Variants in ALPK2 observed in about 807,000 individuals in gnomAD.
ALPK2 encodes alpha kinase 2.
In ALPK2, 127 loss-of-function variants were observed where a neutral mutation model predicts 163.1. The ratio of observed to expected loss-of-function variants is 0.78; its 90% CI spans 0.67 to 0.90. The LOEUF (loss-of-function observed/expected upper bound fraction) is 0.90, where lower values mean the gene tolerates loss of function less well. ALPK2 is among the 40% of genes least tolerant of loss of function. ALPK2 has a pLI of 0.00. For synonymous variants in ALPK2, 953 were observed against 959.1 expected, an observed-to-expected ratio of 0.99 and a Z score of 0.12; for missense variants, 2,360 against 2,589.6, an observed-to-expected ratio of 0.91 and a Z score of 1.92.
At chr18:58,534,697 C>A in intron 5 of ALPK2, 137 bp downstream of exon 5, 1 of 1,184,062 alleles carries the variant, frequency 8.4e-7, no homozygotes, top group Non-Finnish European at 1.2e-6. Context: ...GCTGAAGCCA[C>A]TTGGCCACAA....
intron 3 of ALPK2, among the ~76,000 whole-genome samples, chr18:58,585,923 A>T (rs560219619): frequency 8.5e-5 from 13 of 152,162 alleles, no homozygotes; most frequent in African/African-American, 3.1e-4. Context: ...ACCTCAGGTG[A>T]TCTGCCTGCC....
chr18:58,503,152 A>G (rs1389996878), intron 11 of ALPK2, among the ~76,000 whole-genome samples: 1 of 152,266 alleles, frequency 6.6e-6, no homozygotes, highest in Non-Finnish European at 1.5e-5. Context: ...CATAGAAGAA[A>G]TGGTATTCCT....
At chr18:58,523,716 G>A in intron 8 of ALPK2, 90 bp downstream of exon 8, 1 of 1,527,542 alleles carries the variant, frequency 6.5e-7, no homozygotes, top group Non-Finnish European at 9.1e-7. Flanking sequence ...AGAGTCCAGA[G>A]GATTACTGCT....
chr18:58,541,261 C>T (rs1216247792), intron 4 of ALPK2, among the ~76,000 whole-genome samples: 1 of 152,214 alleles, frequency 6.6e-6, no homozygotes, highest in African/African-American at 2.4e-5. Context: ...CACATCTTGC[C>T]CGACAGGAGC....
intron 12 of ALPK2, among the ~76,000 whole-genome samples, chr18:58,495,885 A>G (rs1304169115): frequency 1.3e-5 from 2 of 152,154 alleles, no homozygotes; most frequent in African/African-American, 4.8e-5. Flanking sequence ...CCACAGTCAC[A>G]CAGCTGGTAT....
In ALPK2 at chr18:58,537,690, G is replaced by C; in HGVS notation, c.2497C>G (p.Gln833Glu). The C allele has an allele frequency of 6.2e-7, 1 of 1,614,046 alleles. No homozygotes were observed. Among genetic ancestry groups the C allele is most frequent in the South Asian group, 1.1e-5 (1 of 91,056 alleles). The change falls in exon 5 of 13, where the codon CAA (glutamine) becomes GAA (glutamate). Residue 833 changes from glutamine (Q) to glutamate (E), a missense_variant. Transcript: ENST00000361673. ...VGRPVDKYSP[Q>E]EICSVDTELA... ...TCCGTATCTACAGAGCAAATTTCTT[G>C]AGGCGAATATTTATCAACTGGTCTC... is the stretch of plus-strand genomic sequence containing the variant.
intron 4 of ALPK2, among the ~76,000 whole-genome samples, chr18:58,567,707 G>A (rs1201962399): frequency 6.6e-6 from 1 of 152,136 alleles, no homozygotes; most frequent in Non-Finnish European, 1.5e-5. Flanking sequence ...CAGAATAGCT[G>A]GAATAAATTA....
At chr18:58,625,322 A>G (rs1484419030) in intron 1 of ALPK2, among the ~76,000 whole-genome samples, 1 of 152,224 alleles carries the variant, frequency 6.6e-6, no homozygotes, top group East Asian at 1.9e-4. Context: ...TTTTATGTTT[A>G]CAGCACTGGC....
intron 4 of ALPK2, among the ~76,000 whole-genome samples, chr18:58,577,181 A>C (rs1212333427): frequency 6.6e-6 from 1 of 152,252 alleles, no homozygotes; most frequent in Non-Finnish European, 1.5e-5. Flanking sequence ...TCTCGATCTC[A>C]GAATTCAGTT....
chr18:58,606,607 C>T (rs756412917), intron 3 of ALPK2, among the ~76,000 whole-genome samples: 17 of 152,268 alleles, frequency 1.1e-4, no homozygotes, highest in Middle Eastern at 3.4e-3. Flanking sequence ...AAATCTCAGA[C>T]TCAACGCTAT....
chr18:58,505,216 G>A (rs564918598), intron 10 of ALPK2, among the ~76,000 whole-genome samples: 69 of 152,146 alleles, frequency 4.5e-4, no homozygotes, highest in African/African-American at 1.5e-3. Context: ...GAGCTGGAGC[G>A]GTGATCAGAT....
intron 4 of ALPK2, among the ~76,000 whole-genome samples, chr18:58,567,399 G>A (rs1324069392): frequency 6.6e-6 from 1 of 152,072 alleles, no homozygotes; most frequent in Non-Finnish European, 1.5e-5. Context: ...TAATAAAAAT[G>A]CAGGTTCAGC....
intron 10 of ALPK2, among the ~76,000 whole-genome samples, chr18:58,512,912 TATGTGTG>T (rs1301305047): frequency 2.9e-5 from 3 of 103,042 alleles, no homozygotes; most frequent in Non-Finnish European, 7.1e-5. Flanking sequence ...GTGTGTGGTG[TATGTGTG>T]ATGTGTGGGG....
chr18:58,487,926 C>A (rs1052552466), intron 12 of ALPK2, among the ~76,000 whole-genome samples: 3 of 152,120 alleles, frequency 2.0e-5, no homozygotes, highest in Admixed American at 1.3e-4. Context: ...CTATATTCCC[C>A]CTGGATGAGA....
intron 1 of ALPK2, among the ~76,000 whole-genome samples, chr18:58,623,242 A>AT (rs149874782): frequency 0.037 from 5,530 of 151,280 alleles, 310 homozygotes; most frequent in African/African-American, 0.13. Context: ...TTTCCAGAAG[A>AT]TTTTTTTTTA....
chr18:58,506,730 A>G (rs1262498363), intron 10 of ALPK2, among the ~76,000 whole-genome samples: 2 of 152,344 alleles, frequency 1.3e-5, no homozygotes, highest in East Asian at 3.9e-4. Context: ...GAATGAATAT[A>G]TATGTATGTA....
chr18:58,550,407 A>G (rs1454452627), intron 4 of ALPK2, among the ~76,000 whole-genome samples: 2 of 145,122 alleles, frequency 1.4e-5, no homozygotes, highest in Non-Finnish European at 3.0e-5. Flanking sequence ...CTACAACCCC[A>G]TCCCATTTCC....
At chr18:58,622,118 AG>A (rs2052204525) in intron 1 of ALPK2, among the ~76,000 whole-genome samples, 1 of 152,004 alleles carries the variant, frequency 6.6e-6, no homozygotes, top group Non-Finnish European at 1.5e-5. Flanking sequence ...AGGCCGAGGC[AG>A]GCAGATCACC....
chr18:58,605,554 A>C (rs184414206), intron 3 of ALPK2, among the ~76,000 whole-genome samples: 7 of 152,340 alleles, frequency 4.6e-5, no homozygotes, highest in African/African-American at 1.7e-4. Context: ...ACTTGTCATC[A>C]ATCCTGAGCA....
Sources: gnomAD v4.1 joint callset for allele counts (sites outside exome capture counted in the v4.1 genomes callset) on GRCh38, gnomAD v4.1.1 for gene constraint, MANE v1.5 for transcripts, NCBI Gene and HGNC (gene_info 2026-07-23, HGNC 2026-07-21) for gene names.